FBF1: variants seen among roughly 807,000 people sequenced by gnomAD.
FBF1 encodes Fas binding factor 1.
A neutral mutation model predicts 147.2 loss-of-function variants in FBF1; 119 were observed. The observed-to-expected ratio is 0.81, with a 90% CI of 0.70 to 0.94. The LOEUF (loss-of-function observed/expected upper bound fraction) is 0.94. Ranked by LOEUF, FBF1 falls within the 40% of genes least tolerant of loss-of-function variation. FBF1 has a pLI of 0.00. For synonymous variants in FBF1, 601 were observed against 609.0 expected, an observed-to-expected ratio of 0.99 and a Z score of 0.19; for missense variants, 1,449 against 1,500.8, an observed-to-expected ratio of 0.97 and a Z score of 0.57.
Position 75,922,099 on chromosome 17 carries a change from G to T in FBF1, c.1425-53C>A. On this transcript the variant is annotated intron_variant, in intron 14 of 29. Transcript: ENST00000636174. This position sits in a 1 kb window ranked among gnomAD's most constrained non-coding sequence, Gnocchi z 5.0. ...GGTGACAGAAGGCCCAGGTCAGGCT[G>T]GATGAAGACAGGGCCCAGGACGGGC... is the stretch of plus-strand genomic sequence containing the variant. The T allele has an allele frequency of 6.7e-7, 1 of 1,483,434 alleles. No homozygotes were observed. Among genetic ancestry groups the T allele is most frequent in the Non-Finnish European group, 9.2e-7 (1 of 1,087,096 alleles). The allele number at this position is 1,483,434 out of a possible 1,614,324, so 91.9% of individuals were successfully genotyped here.
Position 75,918,827 on chromosome 17 carries a change from G to C in FBF1, c.2139-558C>G, listed in dbSNP as rs2065505804. Among the ~76,000 whole-genome samples, 2 of 141,754 alleles carry C rather than the reference G, an allele frequency of 1.4e-5. No individual in the cohort carries two copies. Among genetic ancestry groups the C allele is most frequent in the Admixed American group, 7.2e-5 (1 of 13,864 alleles). The allele number at this position is 141,754 out of a possible 152,430, so 93.0% of individuals were successfully genotyped here. A position where few individuals can be genotyped will look rare whatever the true frequency, so the allele number is the denominator to read the frequency against. On this transcript the variant is annotated intron_variant, in intron 20 of 29. Coordinates refer to ENST00000636174, the MANE Select transcript of FBF1 (RefSeq NM_001319193.2). The surrounding 1 kb of genome is among the most constrained non-coding windows in gnomAD (Gnocchi z 5.8). The stretch of plus-strand genomic sequence containing the variant: ...TTTCTTTTTTTTTTTTTTTTTCCTA[G>C]AGATGAGGTCTCACTATGTTGCCCA...
chr17:75,921,886 C>T, intron 15 of FBF1, 59 bp downstream of exon 15: 1 of 1,425,152 alleles, frequency 7.0e-7, no homozygotes, highest in Non-Finnish European at 9.6e-7. Context: ...TCTCTCAGGA[C>T]AGAGGCCTGT....
chr17:75,937,240 G>A (rs932184264), intron 3 of FBF1, among the ~76,000 whole-genome samples: 3 of 150,112 alleles, frequency 2.0e-5, no homozygotes, highest in Non-Finnish European at 3.0e-5. Flanking sequence ...GTGAGATCTC[G>A]GCTCACTGCA....
intron 17 of FBF1, 72 bp downstream of exon 17, chr17:75,921,172 G>C (rs2065523635): frequency 6.8e-7 from 1 of 1,467,408 alleles, no homozygotes; most frequent in African/African-American, 1.4e-5. Context: ...AGGTCAAACT[G>C]TGGGTATTGC....
intron 2 of FBF1, 58 bp downstream of exon 2, chr17:75,938,089 G>A: frequency 6.2e-7 from 1 of 1,607,022 alleles, no homozygotes; most frequent in Non-Finnish European, 8.5e-7. Flanking sequence ...AGATCTTTGG[G>A]GATGCAGGAT....
chr17:75,924,218 A>T (rs1325548881), intron 13 of FBF1, among the ~76,000 whole-genome samples: 1 of 152,150 alleles, frequency 6.6e-6, no homozygotes, highest in Admixed American at 6.5e-5. Context: ...TGTCTAAAAA[A>T]AATAATAATA....
intron 25 of FBF1, 100 bp from the exon 26 acceptor site, chr17:75,914,398 G>C (rs1180693775): frequency 6.8e-7 from 1 of 1,460,842 alleles, no homozygotes; most frequent in Non-Finnish European, 9.0e-7. Flanking sequence ...CCCCTGGGAG[G>C]AGGTGGTGGA....
At chr17:75,915,339 C>A (rs1183960129) in intron 23 of FBF1, among the ~76,000 whole-genome samples, 200 bp from the exon 24 acceptor site, 38 of 152,116 alleles carry the variant, frequency 2.5e-4, no homozygotes, top group Admixed American at 2.5e-3. Context: ...AAGAGAAGGA[C>A]CCAGCAGGTG....
At chr17:75,937,837 AGACAC>A (rs1348123386) in intron 2 of FBF1, 2 of 631,180 alleles carry the variant, frequency 3.2e-6, no homozygotes, top group African/African-American at 3.7e-5. Flanking sequence ...CTCCTTTCCC[AGACAC>A]GACATGCAAA....
intron 5 of FBF1, 103 bp downstream of exon 5, chr17:75,932,892 A>AT (rs2065602613): frequency 1.2e-6 from 1 of 811,812 alleles, no homozygotes; most frequent in East Asian, 2.8e-5. Context: ...AAAAAAAAAA[A>AT]AAAAAATGGC....
chr17:75,925,123 G>T lies in FBF1; in HGVS notation c.968+224C>A, dbSNP rs578170081. Reference sequence around the variant, plus strand: ...GGTGGGGCACTGGCGAACCTGAGCAGCGTCTGGGATGGGGGTTCCCACTGG... The same window carrying T: ...GGTGGGGCACTGGCGAACCTGAGCATCGTCTGGGATGGGGGTTCCCACTGG... On this transcript the variant is annotated intron_variant, in intron 13 of 29. Coordinates refer to ENST00000636174, the MANE Select transcript of FBF1 (RefSeq NM_001319193.2). The surrounding 1 kb of genome is among the most constrained non-coding windows in gnomAD (Gnocchi z 5.0). Among the ~76,000 whole-genome samples, 35 of 152,342 alleles carry T rather than the reference G, an allele frequency of 2.3e-4. 1 individual carries two copies. The South Asian group carries it at 7.0e-3, about 31-fold the overall frequency.
intron 7 of FBF1, among the ~76,000 whole-genome samples, chr17:75,929,192 CG>C (rs1230273549): frequency 6.6e-6 from 1 of 151,726 alleles, no homozygotes; most frequent in Non-Finnish European, 1.5e-5. Flanking sequence ...GAATCTGGAC[CG>C]GGTGTGGTGC....
At chr17:75,916,498 T>C (rs2065490219) in intron 23 of FBF1, among the ~76,000 whole-genome samples, 1 of 152,102 alleles carries the variant, frequency 6.6e-6, no homozygotes, top group Non-Finnish European at 1.5e-5. Context: ...TTTGCGCCTG[T>C]AGTCCCAGCT....
At position 75,909,781 on chromosome 17, in the gene FBF1, C is replaced by T; in HGVS notation, c.*942G>A. 1 of 635,650 alleles carries T rather than the reference C, an allele frequency of 1.6e-6. No individual in the cohort carries two copies. The highest frequency in any genetic ancestry group is 2.9e-6 in the Non-Finnish European group (1 of 349,016). 39.4% of individuals were successfully genotyped at this position (635,650 alleles called of 1,614,324 possible). A position where few individuals can be genotyped will look rare whatever the true frequency, so the allele number is the denominator to read the frequency against. ...CTTTTAATAAGAACATCTGCCTGTT[C>T]TTTGGGACTTGTCCAGCAAATAACA... On this transcript the variant is annotated 3_prime_UTR_variant, in exon 30 of 30. Coordinates refer to ENST00000636174, the MANE Select transcript of FBF1 (RefSeq NM_001319193.2).
At chr17:75,938,976 T>C (rs2065642089) in intron 1 of FBF1, among the ~76,000 whole-genome samples, 1 of 151,838 alleles carries the variant, frequency 6.6e-6, no homozygotes, top group Admixed American at 6.6e-5. Flanking sequence ...AAATTCCTTA[T>C]AGGGGATGCA....
chr17:75,932,393 A>T (rs2065599673), intron 5 of FBF1, among the ~76,000 whole-genome samples: 1 of 152,058 alleles, frequency 6.6e-6, no homozygotes, highest in South Asian at 2.1e-4. Flanking sequence ...AGAGAAAATA[A>T]AAATAAATAA....
rs1182248690 is a variant in FBF1 at position 75,918,168 on chromosome 17, T to C, written c.2240A>G (p.His747Arg). 2 of 1,613,216 alleles carry C rather than the reference T, an allele frequency of 1.2e-6. No homozygotes were observed. Among genetic ancestry groups the C allele is most frequent in the Non-Finnish European group, 1.7e-6 (2 of 1,179,822 alleles). ...EVDAATSATSHTRSLNSIIHQ... is the reference protein window; with the variant it reads ...EVDAATSATSRTRSLNSIIHQ... Reference sequence around the variant, plus strand: ...GTTGGGGCAGCGCACATACCGCGTGTGGGAGGTGGCACTGGTGGCCGCATC... The same window carrying C: ...GTTGGGGCAGCGCACATACCGCGTGCGGGAGGTGGCACTGGTGGCCGCATC... Residue 747 changes from histidine to arginine, a missense_variant, in exon 21 of 30, where the codon CAC becomes CGC. His to Arg is a conservative substitution (Grantham distance 29). Transcript: ENST00000636174. This position sits in a 1 kb window ranked among gnomAD's most constrained non-coding sequence, Gnocchi z 5.8.
At position 75,932,979 on chromosome 17, in the gene FBF1, C is replaced by T. The variant is rs374674261; in HGVS notation, c.167+16G>A. ...CTGAAGTAGGTCATGGATACCCAGT[C>T]GGACCCTGCCCTTACTTTGTTCTCG... On this transcript the variant is annotated intron_variant, in intron 5 of 29. Transcript: ENST00000636174. The T allele has an allele frequency of 6.0e-5, 95 of 1,571,942 alleles. No homozygotes were observed. Among genetic ancestry groups the T allele is most frequent in the East Asian group, 1.4e-4 (6 of 44,168 alleles).
At chr17:75,913,226 G>A (rs1300456949) in intron 28 of FBF1, among the ~76,000 whole-genome samples, 1 of 137,936 alleles carries the variant, frequency 7.2e-6, no homozygotes, top group African/African-American at 2.7e-5. Flanking sequence ...TCGGCTTACT[G>A]CAACCTCCAC....
Sources: gnomAD v4.1 joint callset for allele counts (sites outside exome capture counted in the v4.1 genomes callset) on GRCh38, gnomAD v4.1.1 for gene constraint, Gnocchi (gnomAD v3.1) non-coding constraint, MANE v1.5 for transcripts, NCBI Gene and HGNC (gene_info 2026-07-23, HGNC 2026-07-21) for gene names.